Variants in SLC30A5 observed in about 807,000 individuals in gnomAD.
SLC30A5 encodes solute carrier family 30 member 5.
Under a neutral mutation model 79.6 loss-of-function variants are expected in SLC30A5, and 33 were observed. The observed-to-expected ratio is 0.41, with a 90% CI of 0.31 to 0.55. The LOEUF (loss-of-function observed/expected upper bound fraction) is 0.55. Ranked by LOEUF, SLC30A5 falls within the 20% of genes least tolerant of loss-of-function variation. SLC30A5 has a pLI of 0.20. For missense variants in SLC30A5, 788 were observed against 928.1 expected (o/e 0.85, Z 1.96); for synonymous variants, 299 against 319.7 (o/e 0.94, Z 0.69).
intron 4 of SLC30A5, among the ~76,000 whole-genome samples, chr5:69,106,442 C>A (rs449607): frequency 6.6e-6 from 1 of 151,972 alleles, no homozygotes; most frequent in African/African-American, 2.4e-5. Flanking sequence ...GTACTTACAT[C>A]TTTACTTGGT....
chr5:69,124,771 T>C, intron 14 of SLC30A5, among the ~76,000 whole-genome samples: 1 of 152,152 alleles, frequency 6.6e-6, no homozygotes, highest in East Asian at 1.9e-4. Context: ...GGTTTCGCCA[T>C]GTTGGCCAGG....
At chr5:69,129,148 T>C (rs1392348137) in intron 15 of SLC30A5, among the ~76,000 whole-genome samples, 2 of 152,230 alleles carry the variant, frequency 1.3e-5, no homozygotes, top group African/African-American at 4.8e-5. Context: ...TAATATTCCT[T>C]ATCTAAAATG....
Position 69,103,147 on chromosome 5 carries a change from C to T in SLC30A5, c.273+19C>T. 7.8e-6 allele frequency: 11 copies of T among 1,418,998 alleles called. No individual in the cohort carries two copies. Among genetic ancestry groups the T allele is most frequent in the Non-Finnish European group, 1.1e-5 (11 of 1,012,108 alleles). 87.9% of individuals were successfully genotyped at this position (1,418,998 alleles called of 1,614,324 possible). On this transcript the variant is annotated intron_variant, in intron 3 of 15. Coordinates refer to ENST00000396591, the MANE Select transcript of SLC30A5 (RefSeq NM_022902.5). ...ACACCAGGTAAGATTTTTGCAGAAT[C>T]TTTTATTCCTAGCAGCTTCTCGTTT...
At chr5:69,106,440 A>G (rs1472369169) in intron 4 of SLC30A5, among the ~76,000 whole-genome samples, 1 of 151,934 alleles carries the variant, frequency 6.6e-6, no homozygotes, top group Non-Finnish European at 1.5e-5. Flanking sequence ...AAGTACTTAC[A>G]TCTTTACTTG....
chr5:69,101,372 A>G (rs1252824719), intron 2 of SLC30A5, among the ~76,000 whole-genome samples: 1 of 151,202 alleles, frequency 6.6e-6, no homozygotes, highest in African/African-American at 2.4e-5. Context: ...ACTGCCTCCT[A>G]TGTTCAAGCG....
At chr5:69,119,767 C>T (rs1286949269) in intron 12 of SLC30A5, among the ~76,000 whole-genome samples, 7 of 152,070 alleles carry the variant, frequency 4.6e-5, no homozygotes, top group Non-Finnish European at 1.0e-4. Context: ...CGCCTGTAAT[C>T]CCAGCACTTT....
Position 69,129,726 on chromosome 5 carries a change from G to A in SLC30A5, c.*109G>A, listed in dbSNP as rs192740227. 1 of 930,652 alleles carries A rather than the reference G, an allele frequency of 1.1e-6. No homozygotes were observed. The highest frequency in any genetic ancestry group is 1.5e-6 in the Non-Finnish European group (1 of 645,600). 57.6% of individuals were successfully genotyped at this position (930,652 alleles called of 1,614,324 possible). A position where few individuals can be genotyped will look rare whatever the true frequency, so the allele number is the denominator to read the frequency against. On this transcript the variant is annotated 3_prime_UTR_variant, in exon 16 of 16. Transcript: ENST00000396591. ...TACACATTAACTGTACAGAAACAGAGTTCCCTACTACTGGATCAAGGAATC... is the reference window on the plus strand; with the variant it reads ...TACACATTAACTGTACAGAAACAGAATTCCCTACTACTGGATCAAGGAATC...
intron 3 of SLC30A5, 57 bp downstream of exon 3, chr5:69,103,185 G>A (rs1580168383): frequency 1.2e-5 from 11 of 905,886 alleles, no homozygotes; most frequent in Non-Finnish European, 2.0e-5. Flanking sequence ...TGGGCCAGGA[G>A]GCAATGCTTA....
At position 69,129,691 on chromosome 5, in the gene SLC30A5, G is replaced by A; in HGVS notation, c.*74G>A. The A allele has an allele frequency of 7.3e-7, 1 of 1,362,380 alleles. No homozygotes were observed. The highest frequency in any genetic ancestry group is 9.9e-7 in the Non-Finnish European group (1 of 1,008,910). 84.4% of individuals were successfully genotyped at this position (1,362,380 alleles called of 1,614,324 possible). A position where few individuals can be genotyped will look rare whatever the true frequency, so the allele number is the denominator to read the frequency against. On this transcript the variant is annotated 3_prime_UTR_variant, in exon 16 of 16. Transcript: ENST00000396591. ...CTCAGTATTTGTAATATTGCCAGAA[G>A]GATAAAAATTACACATTAACTGTAC... is the stretch of plus-strand genomic sequence containing the variant.
In SLC30A5 at chr5:69,115,279, G is replaced by C; in HGVS notation, c.655G>C (p.Gly219Arg). 1.9e-6 allele frequency: 3 copies of C among 1,613,718 alleles called. No homozygotes were observed. Among genetic ancestry groups the C allele is most frequent in the Non-Finnish European group, 2.5e-6 (3 of 1,179,874 alleles). Residue 219 changes from glycine (G) to arginine (R), a missense_variant, in exon 8 of 16, where the codon GGT becomes CGT. By Grantham distance (125) the Gly-to-Arg change is moderately radical (BLOSUM62 -2). Around this residue, in one of 3 missense-constraint regions of SLC30A5, gnomAD observed 626 missense variants for 755.5 expected, o/e 0.83. Transcript: ENST00000396591. ...LLVLALCCKVGFHTASRKLSV... is the reference protein window; with the variant it reads ...LLVLALCCKVRFHTASRKLSV... ...AGTACTGGCTTTGTGTTGTAAAGTT[G>C]GTTTTCATACAGCTTCCAGAAAGCT...
Position 69,116,244 on chromosome 5 carries a change from A to T in SLC30A5, c.1072+30A>T. 1 of 1,543,162 alleles carries T rather than the reference A, an allele frequency of 6.5e-7. No individual in the cohort carries two copies. Among genetic ancestry groups the T allele is most frequent in the Non-Finnish European group, 8.7e-7 (1 of 1,148,462 alleles). On this transcript the variant is annotated intron_variant, in intron 9 of 15. Coordinates refer to ENST00000396591, the MANE Select transcript of SLC30A5 (RefSeq NM_022902.5). The surrounding 1 kb of genome is among the most constrained non-coding windows in gnomAD (Gnocchi z 4.0). Reference sequence around the variant, plus strand: ...GCATTCCCCCCTTTTTTTTATTTTAACAAATTTCTATTTATGGATTTTGAT... The same window carrying T: ...GCATTCCCCCCTTTTTTTTATTTTATCAAATTTCTATTTATGGATTTTGAT...
chr5:69,105,459 G>A (rs2111952493), intron 4 of SLC30A5, among the ~76,000 whole-genome samples: 1 of 152,328 alleles, frequency 6.6e-6, no homozygotes, highest in Admixed American at 6.5e-5. Context: ...TGTAATGCTA[G>A]CACTTTGGGA....
At position 69,121,733 on chromosome 5, in the gene SLC30A5, A is replaced by G; in HGVS notation, c.1609A>G (p.Ile537Val). Residue 537 changes from isoleucine (I) to valine (V), a missense_variant, in exon 13 of 16, where the codon ATC becomes GTC. Ile to Val is a conservative substitution (Grantham distance 29, BLOSUM62 3). Around this residue, in one of 3 missense-constraint regions of SLC30A5, gnomAD observed 626 missense variants for 755.5 expected, o/e 0.83. Coordinates refer to ENST00000396591, the MANE Select transcript of SLC30A5 (RefSeq NM_022902.5). ...AGGGCTGATAGTAAACCTTATTGGTATCTGTGCCTTTAGCCATGCCCATAG... is the reference window on the plus strand; with the variant it reads ...AGGGCTGATAGTAAACCTTATTGGTGTCTGTGCCTTTAGCCATGCCCATAG... ...VGGLIVNLIG[I>V]CAFSHAHSHA... 1 of 1,613,548 alleles carries G rather than the reference A, an allele frequency of 6.2e-7. No individual in the cohort carries two copies. Among genetic ancestry groups the G allele is most frequent in the Non-Finnish European group, 8.5e-7 (1 of 1,179,760 alleles).
chr5:69,126,312 G>A (rs1468686371), intron 14 of SLC30A5, among the ~76,000 whole-genome samples: 1 of 152,018 alleles, frequency 6.6e-6, no homozygotes, highest in African/African-American at 2.4e-5. Context: ...TTAAGTTTTT[G>A]TTTGTTTGTT....
chr5:69,121,300 G>C (rs543564058), intron 12 of SLC30A5, among the ~76,000 whole-genome samples: 16 of 152,262 alleles, frequency 1.1e-4, no homozygotes, highest in African/African-American at 3.1e-4. Flanking sequence ...CATATAAACT[G>C]TTCAAATTTA....
chr5:69,115,244 T>C lies in SLC30A5; in HGVS notation c.620T>C (p.Val207Ala). The change falls in exon 8 of 16, where the codon GTA (valine) becomes GCA (alanine). Residue 207 changes from valine (V) to alanine (A), a missense_variant. Val to Ala is a moderately conservative substitution (Grantham distance 64). This residue lies in a region of SLC30A5 where 626 missense variants were observed against 755.5 expected (regional missense o/e 0.83). Transcript: ENST00000396591. ...ATCTAATTTTACTCACAGGGTGGAG[T>C]ATTATTGCTAGTACTGGCTTTGTGT... ...FLGVADHKGG[V>A]LLLVLALCCK... is the part of the protein sequence containing the mutation. 6.2e-7 allele frequency: 1 copy of C among 1,611,614 alleles called. No individual in the cohort carries two copies. The highest frequency in any genetic ancestry group is 2.2e-5 in the East Asian group (1 of 44,820).
chr5:69,128,413 G>A (rs337250), intron 15 of SLC30A5, among the ~76,000 whole-genome samples: 27,234 of 151,642 alleles, frequency 0.18, 2,919 homozygotes, highest in East Asian at 0.38. Context: ...CACCATGCCC[G>A]CCTATTTTTG....
intron 14 of SLC30A5, among the ~76,000 whole-genome samples, chr5:69,124,562 CTAAA>C (rs1746624995): frequency 6.6e-6 from 1 of 152,138 alleles, no homozygotes; most frequent in African/African-American, 2.4e-5. Flanking sequence ...TATGAAACTA[CTAAA>C]TAGAGAAATA....
chr5:69,129,412 C>G (rs771442903), intron 15 of SLC30A5, 35 bp from the exon 16 acceptor site: 4 of 1,549,480 alleles, frequency 2.6e-6, no homozygotes, highest in South Asian at 2.3e-5. Flanking sequence ...ATGCATTACT[C>G]TAAATGCTTC....
Sources: allele counts gnomAD v4.1 joint callset (sites outside exome capture counted in the v4.1 genomes callset), GRCh38; gene constraint gnomAD v4.1.1; regional missense constraint gnomAD v4.1.1; non-coding constraint Gnocchi (gnomAD v3.1); transcripts MANE v1.5; gene names NCBI Gene and HGNC (gene_info 2026-07-23, HGNC 2026-07-21).